The following LDB1 variants were observed in gnomAD, a reference collection of about 807,000 sequenced individuals.
LDB1 encodes LIM domain-binding protein 1.
In LDB1, 6 loss-of-function variants were observed where a neutral mutation model predicts 49.7. That is an observed-to-expected ratio of 0.12 (90% confidence interval 0.07 to 0.24). The LOEUF is 0.24. Among genes scored for constraint, LDB1 ranks in the 10% least tolerant of loss-of-function variants. LDB1 has a pLI of 1.00. For synonymous variants in LDB1, 233 were observed against 202.0 expected (o/e 1.15, Z -1.30); for missense variants, 341 against 561.7 (o/e 0.61, Z 3.97).
In LDB1 at chr10:102,108,408, C is replaced by G. The variant is rs1243222405; in HGVS notation, c.1006-85G>C. On this transcript the variant is annotated intron_variant, in intron 10 of 10. Coordinates refer to ENST00000673968, the MANE Select transcript of LDB1 (RefSeq NM_001113407.3). ...GCAGATACCCCCAGAGCCCCAGTAC[C>G]CACCCTGGAAGCTCAAGAGTCCCCA... The G allele has an allele frequency of 1.1e-5, 12 of 1,050,778 alleles. No individual in the cohort carries two copies. In the East Asian group the frequency reaches 3.1e-4, roughly 27 times the overall value. The allele number at this position is 1,050,778 out of a possible 1,614,324, so 65.1% of individuals were successfully genotyped here. A position where few individuals can be genotyped will look rare whatever the true frequency, so the allele number is the denominator to read the frequency against.
intron 10 of LDB1, among the ~76,000 whole-genome samples, chr10:102,108,649 A>C (rs1234871597): frequency 6.6e-6 from 1 of 152,178 alleles, no homozygotes; most frequent in African/African-American, 2.4e-5. Flanking sequence ...CATATCAAAA[A>C]CATGAGGGAG....
In LDB1 at chr10:102,117,657, C is replaced by T. The variant is rs566716657; in HGVS notation, c.25+2429G>A. On this transcript the variant is annotated intron_variant, in intron 1 of 10. Transcript: ENST00000673968. This position sits in a 1 kb window ranked among gnomAD's most constrained non-coding sequence, Gnocchi z 4.2. ...CCATCCTCCTCTCCTGGCTCCCAGC[C>T]GCCACCACTGCTGCCTCCTCCCCTC... Among the ~76,000 whole-genome samples, 1 of 152,246 alleles carries T rather than the reference C, an allele frequency of 6.6e-6. No individual in the cohort carries two copies. Among genetic ancestry groups the T allele is most frequent in the South Asian group, 2.1e-4 (1 of 4,826 alleles).
At chr10:102,105,414 T>G (rs2133491860), downstream of LDB1, among the ~76,000 whole-genome samples, 1 of 151,294 alleles carries the variant, frequency 6.6e-6, no homozygotes, top group South Asian at 2.1e-4. Context: ...GCTAGGGAGG[T>G]GAGGGTAGAG....
chr10:102,106,437 G>T (rs369566907), downstream of LDB1, among the ~76,000 whole-genome samples: 2 of 149,762 alleles, frequency 1.3e-5, no homozygotes, highest in South Asian at 4.2e-4. Context: ...ATGGGGAAAA[G>T]ATTGCCTTGG....
Position 102,106,602 on chromosome 10 carries a change from G to A in LDB1, c.*1491C>T, listed in dbSNP as rs1181434764. On this transcript the variant is annotated 3_prime_UTR_variant, in exon 11 of 11. Coordinates refer to ENST00000673968, the MANE Select transcript of LDB1 (RefSeq NM_001113407.3). ...AAAAAAAAGGCATTACAGTTGGGATGGGATGTCCACCTTCCTCACCCCTTC... is the reference window on the plus strand; with the variant it reads ...AAAAAAAAGGCATTACAGTTGGGATAGGATGTCCACCTTCCTCACCCCTTC... 7.6e-6 allele frequency among the ~76,000 whole-genome samples: 1 copy of A among 132,406 alleles called. No individual in the cohort carries two copies. Among genetic ancestry groups the A allele is most frequent in the East Asian group, 2.4e-4 (1 of 4,094 alleles). The allele number at this position is 132,406 out of a possible 152,430, so 86.9% of individuals were successfully genotyped here. A position where few individuals can be genotyped will look rare whatever the true frequency, so the allele number is the denominator to read the frequency against.
chr10:102,120,224 G>A lies in LDB1; in HGVS notation c.-114C>T. 1 of 984,824 alleles carries A rather than the reference G, an allele frequency of 1.0e-6. No homozygotes were observed. Among genetic ancestry groups the A allele is most frequent in the African/African-American group, 1.8e-5 (1 of 56,958 alleles). 61.0% of individuals were successfully genotyped at this position (984,824 alleles called of 1,614,324 possible). A position where few individuals can be genotyped will look rare whatever the true frequency, so the allele number is the denominator to read the frequency against. ...CGCGGCCCCCGCTGCGCTCGCCGCC[G>A]GCCCGGCCCGGCCTCGGCCCGGTGC... On this transcript the variant is annotated 5_prime_UTR_variant, in exon 1 of 11. Coordinates refer to ENST00000673968, the MANE Select transcript of LDB1 (RefSeq NM_001113407.3).
intron 1 of LDB1, among the ~76,000 whole-genome samples, chr10:102,118,449 C>G (rs766491318): frequency 3.9e-5 from 6 of 152,178 alleles, no homozygotes; most frequent in East Asian, 3.9e-4. Flanking sequence ...GGCTTGGGCC[C>G]TCTTCCTGTT....
At chr10:102,114,990 CCTCT>C (rs1458059879) in intron 1 of LDB1, 1 of 357,704 alleles carries the variant, frequency 2.8e-6, no homozygotes, top group African/African-American at 2.2e-5. Flanking sequence ...TCTCTCCGAG[CCTCT>C]CTCAGAATGA....
In LDB1 at chr10:102,109,823, C is replaced by A. The variant is rs1195570861; in HGVS notation, c.648+98G>T. The A allele has an allele frequency of 3.2e-6, 5 of 1,569,226 alleles. No individual in the cohort carries two copies. Among genetic ancestry groups the A allele is most frequent in the Admixed American group, 3.4e-5 (2 of 58,370 alleles). ...TGCTGTTCAGATGAAGAAACCCTAA[C>A]CCTCTGTCTAAGTAGTCAGTCGGGA... On this transcript the variant is annotated intron_variant, in intron 7 of 10. Coordinates refer to ENST00000673968, the MANE Select transcript of LDB1 (RefSeq NM_001113407.3). This position sits in a 1 kb window ranked among gnomAD's most constrained non-coding sequence, Gnocchi z 5.8.
intron 1 of LDB1, 33 bp from the exon 2 acceptor site, chr10:102,111,569 G>C (rs770419073): frequency 3.7e-6 from 5 of 1,340,782 alleles, no homozygotes; most frequent in Middle Eastern, 1.9e-4. Flanking sequence ...ATAGCTGGGC[G>C]CGGTGGCTCA....
intron 1 of LDB1, among the ~76,000 whole-genome samples, chr10:102,116,946 G>A (rs1277911687): frequency 6.6e-6 from 1 of 151,664 alleles, no homozygotes; most frequent in Non-Finnish European, 1.5e-5. Flanking sequence ...ATAGCACATA[G>A]GGCCAAATAT....
In LDB1 at chr10:102,107,067, C is replaced by G. The variant is rs1220077142; in HGVS notation, c.*1026G>C. Among the ~76,000 whole-genome samples the G allele has an allele frequency of 6.6e-6, 1 of 152,078 alleles. No individual in the cohort carries two copies. Among genetic ancestry groups the G allele is most frequent in the Non-Finnish European group, 1.5e-5 (1 of 68,008 alleles). ...GATTCTGGAGGAAAGTGGCTGAGCC[C>G]CTCTCCCATCCCATGCCTGCCCAAC... On this transcript the variant is annotated 3_prime_UTR_variant, in exon 11 of 11. Coordinates refer to ENST00000673968, the MANE Select transcript of LDB1 (RefSeq NM_001113407.3).
At chr10:102,111,618 G>GA in intron 1 of LDB1, 82 bp from the exon 2 acceptor site, 1 of 755,672 alleles carries the variant, frequency 1.3e-6, no homozygotes, top group East Asian at 2.7e-5. Flanking sequence ...AAGGCAAGAA[G>GA]ATTGATTGAG....
At position 102,120,185 on chromosome 10, in the gene LDB1, C is replaced by A. The variant is rs2068398770; in HGVS notation, c.-75G>T. On this transcript the variant is annotated 5_prime_UTR_variant, in exon 1 of 11. Transcript: ENST00000673968. ...CTCGCGGGGACAGGCCGGGCATGAGCCGCCGCCGCCGCCCGCGGCCCCCGC... is the reference window on the plus strand; with the variant it reads ...CTCGCGGGGACAGGCCGGGCATGAGACGCCGCCGCCGCCCGCGGCCCCCGC... 9.9e-6 allele frequency: 11 copies of A among 1,108,444 alleles called. No individual in the cohort carries two copies. The South Asian group carries it at 4.3e-4, about 43-fold the overall frequency. 68.7% of individuals were successfully genotyped at this position (1,108,444 alleles called of 1,614,324 possible).
chr10:102,105,986 A>C (rs1056066431), downstream of LDB1, among the ~76,000 whole-genome samples: 1 of 151,912 alleles, frequency 6.6e-6, no homozygotes, highest in Non-Finnish European at 1.5e-5. Flanking sequence ...CAAAATAAAT[A>C]AACCAACTAA....
At chr10:102,112,144 T>C (rs562994875) in intron 1 of LDB1, among the ~76,000 whole-genome samples, 185 of 152,294 alleles carry the variant, frequency 1.2e-3, no homozygotes, top group African/African-American at 4.4e-3. Flanking sequence ...GGAAGAATGA[T>C]TACAGAATAA....
Position 102,114,765 on chromosome 10 carries a change from T to C in LDB1, c.26-3229A>G, listed in dbSNP as rs2786845. 1,768 of 905,274 alleles carry C rather than the reference T, an allele frequency of 2.0e-3. 30 individuals carry two copies. The African/African-American group carries it at 0.028, about 14-fold the overall frequency. 56.1% of individuals were successfully genotyped at this position (905,274 alleles called of 1,614,324 possible). A position where few individuals can be genotyped will look rare whatever the true frequency, so the allele number is the denominator to read the frequency against. On this transcript the variant is annotated intron_variant, in intron 1 of 10. Transcript: ENST00000673968. ...CTCTTTCCTCTCTCCTCCTCCTCCT[T>C]CTCGGCTCTCCCCGCCGCCGCCTCT...
rs2068227937 is a variant in LDB1, at chr10:102,110,028, G to A, written c.541C>T (p.Arg181Trp). The A allele has an allele frequency of 6.2e-7, 1 of 1,612,952 alleles. No individual in the cohort carries two copies. The highest frequency in any genetic ancestry group is 1.7e-5 in the Admixed American group (1 of 59,922). The change falls in exon 7 of 11, where the codon CGG (arginine) becomes TGG (tryptophan). Residue 181 changes from arginine (R) to tryptophan (W), a missense_variant. Arg to Trp is a moderately radical substitution (Grantham distance 101). Coordinates refer to ENST00000673968, the MANE Select transcript of LDB1 (RefSeq NM_001113407.3). ...PMFTQVCVEG[R>W]LYLEFMFDDM... ...TCAAACATGAACTCCAGGTACAACC[G>A]GCCCTCCACACACACCTGGGGACAG...
intron 5 of LDB1, 23 bp downstream of exon 5, chr10:102,110,846 G>GCC: frequency 1.2e-6 from 2 of 1,604,102 alleles, no homozygotes; most frequent in Non-Finnish European, 1.7e-6. Flanking sequence ...CACCCTCATA[G>GCC]CAAGACCCCA....
Sources: gnomAD v4.1 joint callset for allele counts (sites outside exome capture counted in the v4.1 genomes callset) on GRCh38, gnomAD v4.1.1 for gene constraint, Gnocchi (gnomAD v3.1) non-coding constraint, MANE v1.5 for transcripts, NCBI Gene and HGNC (gene_info 2026-07-23, HGNC 2026-07-21) for gene names.